Variants in CERS1 observed in about 807,000 individuals in gnomAD.
CERS1 encodes the protein ceramide synthase 1.
A neutral mutation model predicts 35.7 loss-of-function variants in CERS1; 16 were observed. The ratio of observed to expected loss-of-function variants is 0.45; its 90% CI spans 0.30 to 0.68. CERS1 has a LOEUF of 0.68. Ranked by LOEUF, CERS1 falls within the 30% of genes least tolerant of loss-of-function variation. The pLI, the probability that CERS1 is intolerant of heterozygous loss-of-function variation, is 0.08. For synonymous variants in CERS1, 243 were observed against 201.6 expected, an observed-to-expected ratio of 1.21 and a Z score of -1.74; for missense variants, 454 against 453.9, an observed-to-expected ratio of 1.00 and a Z score of 0.00.
chr19:18,884,303 G>A (rs752532705), intron 2 of CERS1, 36 bp from the exon 3 acceptor site: 13 of 1,572,880 alleles, frequency 8.3e-6, no homozygotes, highest in Admixed American at 3.6e-5. Context: ...AGGGCCCTGC[G>A]AAGCCTCTAG....
Position 18,895,973 on chromosome 19 carries a change from C to T in CERS1, c.100G>A (p.Ala34Thr). ...QRGWGSALAA[A>T]RGCTDCGWGL... ...CAGCCGCAGTCCGTGCAGCCCCGCG[C>T]CGCCGCCAGCGCGCTGCCCCAGCCG... The change falls in exon 1 of 8, where the codon GCG becomes ACG. Residue 34 changes from alanine to threonine, a missense_variant. Transcript: ENST00000623882. This position sits in a 1 kb window ranked among gnomAD's most constrained non-coding sequence, Gnocchi z 6.4. 9.4e-7 allele frequency: 1 copy of T among 1,058,302 alleles called. No individual in the cohort carries two copies. Among genetic ancestry groups the T allele is most frequent in the South Asian group, 3.4e-5 (1 of 29,426 alleles). 65.6% of individuals were successfully genotyped at this position (1,058,302 alleles called of 1,614,324 possible).
intron 2 of CERS1, among the ~76,000 whole-genome samples, chr19:18,890,999 C>T (rs1233237083): frequency 6.6e-6 from 1 of 151,858 alleles, no homozygotes; most frequent in African/African-American, 2.4e-5. Context: ...TGGCGCGTGC[C>T]TATAATTCCA....
Position 18,880,398 on chromosome 19 carries a change from C to A in CERS1, c.628G>T (p.Asp210Tyr). Reference protein sequence around the residue: ...NVGILVLFLHDISDVQLEFTK... With the variant: ...NVGILVLFLHYISDVQLEFTK... ...AACTCAAGCTGCACGTCACTGATATCGTGCAGGAAGAGCACAAGGATGCCC... is the reference window on the plus strand; with the variant it reads ...AACTCAAGCTGCACGTCACTGATATAGTGCAGGAAGAGCACAAGGATGCCC... The change falls in exon 4 of 8, where the codon GAT (aspartate) becomes TAT (tyrosine). Residue 210 changes from aspartate to tyrosine, a missense_variant. By Grantham distance (160) the Asp-to-Tyr change is radical. Coordinates refer to ENST00000623882, the MANE Select transcript of CERS1 (RefSeq NM_021267.5). 1.3e-6 allele frequency: 2 copies of A among 1,589,182 alleles called. No individual in the cohort carries two copies. Among genetic ancestry groups the A allele is most frequent in the Admixed American group, 1.8e-5 (1 of 56,114 alleles).
At chr19:18,880,729 T>G (rs1232124999) in intron 3 of CERS1, among the ~76,000 whole-genome samples, 1 of 151,908 alleles carries the variant, frequency 6.6e-6, no homozygotes, top group Non-Finnish European at 1.5e-5. Flanking sequence ...GACAGGGTCT[T>G]GCTCTGTGGC....
intron 6 of CERS1, among the ~76,000 whole-genome samples, chr19:18,875,815 C>T (rs1300900969): frequency 3.9e-5 from 6 of 152,104 alleles, no homozygotes; most frequent in Non-Finnish European, 8.8e-5. Context: ...CCTGGGAAGA[C>T]GGAGACTGAG....
intron 2 of CERS1, among the ~76,000 whole-genome samples, chr19:18,892,593 G>A (rs559352711): frequency 2.0e-5 from 3 of 152,044 alleles, no homozygotes; most frequent in South Asian, 4.2e-4. Flanking sequence ...TAGCCTGGGC[G>A]ACAGAGCGAG....
At chr19:18,884,958 C>T (rs914536140) in intron 2 of CERS1, among the ~76,000 whole-genome samples, 1 of 151,894 alleles carries the variant, frequency 6.6e-6, no homozygotes, top group Non-Finnish European at 1.5e-5. Context: ...TCAGGTGATC[C>T]ACCTGCCTCG....
chr19:18,891,156 T>C (rs993190903), intron 2 of CERS1, among the ~76,000 whole-genome samples: 10 of 150,650 alleles, frequency 6.6e-5, no homozygotes, highest in East Asian at 3.9e-4. Context: ...AGTTCGATCA[T>C]GGGTCATCCG....
At position 18,887,711 on chromosome 19, in the gene CERS1, T is replaced by A. The variant is rs922819735; in HGVS notation, c.410-3444A>T. Among the ~76,000 whole-genome samples, 44 of 140,270 alleles carry A rather than the reference T, an allele frequency of 3.1e-4. 1 individual carries two copies. Among genetic ancestry groups the A allele is most frequent in the Admixed American group, 3.2e-4 (4 of 12,638 alleles). The allele number at this position is 140,270 out of a possible 152,430, so 92.0% of individuals were successfully genotyped here. A position where few individuals can be genotyped will look rare whatever the true frequency, so the allele number is the denominator to read the frequency against. On this transcript the variant is annotated intron_variant, in intron 2 of 7. Transcript: ENST00000623882. ...GTGAGCCGAGATCACACCACTGCAC[T>A]CCAGCCTGGGCAGCAAGAGTGAAAC... is the stretch of plus-strand genomic sequence containing the variant.
At chr19:18,889,596 ATTTT>A (rs1162205222) in intron 2 of CERS1, among the ~76,000 whole-genome samples, 1 of 151,914 alleles carries the variant, frequency 6.6e-6, no homozygotes, top group Non-Finnish European at 1.5e-5. Flanking sequence ...AGCTAATTTT[ATTTT>A]TTTATTTTTT....
In CERS1 at chr19:18,884,072, C is replaced by A; in HGVS notation, c.590+15G>T. On this transcript the variant is annotated intron_variant, in intron 3 of 7. Coordinates refer to ENST00000623882, the MANE Select transcript of CERS1 (RefSeq NM_021267.5). ...GGCTGTGCCTCGGCCCCCTGCCACC[C>A]GATCCTGTCCTTACCGGAAGGCGTA... is the stretch of plus-strand genomic sequence containing the variant. The A allele has an allele frequency of 6.2e-7, 1 of 1,604,598 alleles. No individual in the cohort carries two copies. The highest frequency in any genetic ancestry group is 8.5e-7 in the Non-Finnish European group (1 of 1,173,528).
chr19:18,893,473 A>G lies in CERS1; in HGVS notation c.352T>C (p.Tyr118His), dbSNP rs2056546580. 1 of 1,607,194 alleles carries G rather than the reference A, an allele frequency of 6.2e-7. No homozygotes were observed. ...FYLGSWSYSA[Y>H]LLFGTDYPFF... ...GGGTAGTCGGTGCCAAACAGCAGGTAGGCACTGTAGCTCCAGCTGCCCAGG... is the reference window on the plus strand; with the variant it reads ...GGGTAGTCGGTGCCAAACAGCAGGTGGGCACTGTAGCTCCAGCTGCCCAGG... The change falls in exon 2 of 8, where the codon TAC becomes CAC. Residue 118 changes from tyrosine (Y) to histidine (H), a missense_variant. By Grantham distance (83) the Tyr-to-His change is moderately conservative. Transcript: ENST00000623882.
Position 18,870,520 on chromosome 19 carries a change from G to A in CERS1, c.*57C>T, listed in dbSNP as rs2055949247. 1 of 439,194 alleles carries A rather than the reference G, an allele frequency of 2.3e-6. No homozygotes were observed. The highest frequency in any genetic ancestry group is 3.8e-5 in the East Asian group (1 of 25,982). 27.2% of individuals were successfully genotyped at this position (439,194 alleles called of 1,614,324 possible). A position where few individuals can be genotyped will look rare whatever the true frequency, so the allele number is the denominator to read the frequency against. ...GGGTGGAGGGGCGGCCAAGGACGGG[G>A]AGCGTGGCCGGGGTATTCGGGGTGG... On this transcript the variant is annotated 3_prime_UTR_variant, in exon 7 of 8. Transcript: ENST00000623882. This position sits in a 1 kb window ranked among gnomAD's most constrained non-coding sequence, Gnocchi z 5.1.
At chr19:18,892,601 G>A (rs374380736) in intron 2 of CERS1, among the ~76,000 whole-genome samples, 7 of 152,046 alleles carry the variant, frequency 4.6e-5, no homozygotes, top group South Asian at 4.2e-4. Context: ...GCGACAGAGC[G>A]AGACTCCATC....
intron 2 of CERS1, among the ~76,000 whole-genome samples, chr19:18,887,030 G>C (rs2056378755): frequency 6.6e-6 from 1 of 152,204 alleles, no homozygotes; most frequent in Non-Finnish European, 1.5e-5. Flanking sequence ...CCTGACAATG[G>C]AAAACGGGGA....
chr19:18,882,508 T>C (rs1271100178), intron 3 of CERS1, among the ~76,000 whole-genome samples: 4 of 151,420 alleles, frequency 2.6e-5, no homozygotes, highest in Admixed American at 6.6e-5. Flanking sequence ...GTCATACCCC[T>C]GTAATCCCAG....
chr19:18,893,448 G>A lies in CERS1; in HGVS notation c.377C>T (p.Pro126Leu). 6.2e-7 allele frequency: 1 copy of A among 1,606,174 alleles called. No individual in the cohort carries two copies. The highest frequency in any genetic ancestry group is 1.7e-4 in the Middle Eastern group (1 of 6,048). Reference sequence around the variant, plus strand: ...GACAGATGGTGGGTCATGGAAGAAGGGGTAGTCGGTGCCAAACAGCAGGTA... The same window carrying A: ...GACAGATGGTGGGTCATGGAAGAAGAGGTAGTCGGTGCCAAACAGCAGGTA... ...SAYLLFGTDY[P>L]FFHDPPSVFY... Residue 126 changes from proline (P) to leucine (L), a missense_variant, in exon 2 of 8, where the codon CCC becomes CTC. By Grantham distance (98) the Pro-to-Leu change is moderately conservative (BLOSUM62 -3). Transcript: ENST00000623882.
chr19:18,890,495 A>G (rs1170259531), intron 2 of CERS1, among the ~76,000 whole-genome samples: 1 of 152,182 alleles, frequency 6.6e-6, no homozygotes, highest in Non-Finnish European at 1.5e-5. Context: ...AAAGCAACTA[A>G]GGCTGGACGA....
At position 18,870,749 on chromosome 19, in the gene CERS1, G is replaced by A. The variant is rs1253180707; in HGVS notation, c.1011-130C>T. ...CCCGGCCAGGCCCGGGCCTCGCCTT[G>A]TGGCTTCCTCCTCGCCTTCACCCTG... On this transcript the variant is annotated intron_variant, in intron 6 of 7. Coordinates refer to ENST00000623882, the MANE Select transcript of CERS1 (RefSeq NM_021267.5). The surrounding 1 kb of genome is among the most constrained non-coding windows in gnomAD (Gnocchi z 5.1). 2.2e-6 allele frequency: 1 copy of A among 444,780 alleles called. No homozygotes were observed. Among genetic ancestry groups the A allele is most frequent in the Non-Finnish European group, 4.1e-6 (1 of 245,760 alleles). The allele number at this position is 444,780 out of a possible 1,614,324, so 27.6% of individuals were successfully genotyped here.
Sources: allele counts gnomAD v4.1 joint callset (sites outside exome capture counted in the v4.1 genomes callset), GRCh38; gene constraint gnomAD v4.1.1; non-coding constraint Gnocchi (gnomAD v3.1); transcripts MANE v1.5; gene names NCBI Gene and HGNC (gene_info 2026-07-23, HGNC 2026-07-21).